Variants in PREP observed in about 807,000 individuals in gnomAD.
PREP encodes prolyl endopeptidase, also known as dJ355L5.1 (prolyl endopeptidase).
A neutral mutation model predicts 87.6 loss-of-function variants in PREP; 29 were observed. That is an observed-to-expected ratio of 0.33 (90% confidence interval 0.25 to 0.45). The LOEUF (loss-of-function observed/expected upper bound fraction) is 0.45. Among genes scored for constraint, PREP ranks in the 20% least tolerant of loss-of-function variants. The pLI, the probability that PREP is intolerant of heterozygous loss-of-function variation, is 1.00. For synonymous variants in PREP, 337 were observed against 328.6 expected, an observed-to-expected ratio of 1.03 and a Z score of -0.28; for missense variants, 695 against 886.5, an observed-to-expected ratio of 0.78 and a Z score of 2.74.
At chr6:105,373,647 T>A in intron 4 of PREP, 69 bp from the exon 5 acceptor site, 2 of 1,394,992 alleles carry the variant, frequency 1.4e-6, no homozygotes, top group Non-Finnish European at 2.0e-6. Flanking sequence ...TTATGCCATC[T>A]AACAAAGCTC....
intron 7 of PREP, among the ~76,000 whole-genome samples, chr6:105,340,698 T>C (rs912868297): frequency 1.1e-4 from 16 of 152,072 alleles, no homozygotes; most frequent in Non-Finnish European, 7.4e-5. Flanking sequence ...TGGAGGAAGA[T>C]CTACCAAGCA....
At chr6:105,329,351 CTATG>C (rs1771259495) in intron 8 of PREP, among the ~76,000 whole-genome samples, 1 of 152,120 alleles carries the variant, frequency 6.6e-6, no homozygotes, top group Non-Finnish European at 1.5e-5. Context: ...CGGGGTTTCA[CTATG>C]TAGGCCAAAC....
chr6:105,390,198 G>A (rs1216315481), intron 2 of PREP, among the ~76,000 whole-genome samples: 1 of 152,190 alleles, frequency 6.6e-6, no homozygotes, highest in African/African-American at 2.4e-5. Context: ...CTCTTAATCA[G>A]CAGGTGTAAC....
At chr6:105,327,806 G>T (rs1292263660) in intron 9 of PREP, among the ~76,000 whole-genome samples, 1 of 152,204 alleles carries the variant, frequency 6.6e-6, no homozygotes, top group Admixed American at 6.5e-5. Flanking sequence ...TTAGGACAGG[G>T]TCTGCCTGGT....
chr6:105,397,801 G>T, intron 2 of PREP, 52 bp downstream of exon 2: 1 of 1,361,874 alleles, frequency 7.3e-7, no homozygotes, highest in Non-Finnish European at 1.1e-6. Context: ...GACATTTAGA[G>T]TTTGGTGCTA....
At position 105,276,822 on chromosome 6, in the gene PREP, C is replaced by T. The variant is rs145931283; in HGVS notation, c.*1322G>A. ...TCTAATTTTTGACCATAACTTGAAA[C>T]GTAGAGAATGAGAGAGTGCTCTTAA... On this transcript the variant is annotated 3_prime_UTR_variant, in exon 15 of 15. Coordinates refer to ENST00000652536, the MANE Select transcript of PREP (RefSeq NM_002726.5). Among the ~76,000 whole-genome samples, 778 of 152,050 alleles carry T rather than the reference C, an allele frequency of 5.1e-3. 6 individuals are homozygous for T. Among genetic ancestry groups the T allele is most frequent in the African/African-American group, 0.018 (729 of 41,464 alleles).
At chr6:105,393,211 CAAG>C (rs1164975314) in intron 2 of PREP, among the ~76,000 whole-genome samples, 1 of 152,130 alleles carries the variant, frequency 6.6e-6, no homozygotes, top group Non-Finnish European at 1.5e-5. Context: ...AAAAACCATT[CAAG>C]AAGTGAGAAA....
chr6:105,356,045 T>C (rs1272010644), intron 6 of PREP, among the ~76,000 whole-genome samples: 2 of 152,194 alleles, frequency 1.3e-5, no homozygotes, highest in Non-Finnish European at 2.9e-5. Context: ...TCTGGATCTG[T>C]TTCTATTGAC....
intron 10 of PREP, among the ~76,000 whole-genome samples, chr6:105,307,477 CT>C (rs1770679359): frequency 1.3e-5 from 2 of 152,210 alleles, no homozygotes; most frequent in Admixed American, 1.3e-4. Flanking sequence ...TCCATTTTCC[CT>C]AGTAAACTCT....
chr6:105,386,945 T>A (rs545177233), intron 2 of PREP, among the ~76,000 whole-genome samples: 1 of 152,248 alleles, frequency 6.6e-6, no homozygotes, highest in South Asian at 2.1e-4. Context: ...GGGTGCGGTG[T>A]TTCATGCCTG....
Position 105,373,488 on chromosome 6 carries a change from T to C in PREP, c.476A>G (p.Asp159Gly), listed in dbSNP as rs188426588. 3 of 1,614,202 alleles carry C rather than the reference T, an allele frequency of 1.9e-6. No individual in the cohort carries two copies. Among genetic ancestry groups the C allele is most frequent in the Non-Finnish European group, 1.7e-6 (2 of 1,180,024 alleles). Residue 159 changes from aspartate (D) to glycine (G), a missense_variant, in exon 5 of 15, where the codon GAT becomes GGT. Physicochemically the swap from Asp to Gly is moderately conservative, Grantham distance 94. Around this residue, in one of 5 missense-constraint regions of PREP, gnomAD observed 517 missense variants for 620.3 expected, o/e 0.83. Coordinates refer to ENST00000652536, the MANE Select transcript of PREP (RefSeq NM_002726.5). ...DWVTIKFMKV[D>G]GAKELPDVLE... ...CACATCTGGAAGCTCTTTGGCACCA[T>C]CAACTTTCATGAACTTGATTGTCAC...
At chr6:105,310,014 G>A in intron 10 of PREP, among the ~76,000 whole-genome samples, 1 of 152,164 alleles carries the variant, frequency 6.6e-6, no homozygotes, top group Non-Finnish European at 1.5e-5. Context: ...GCTATGGAAA[G>A]CCTTGTTGGT....
At chr6:105,388,038 G>T (rs533654628) in intron 2 of PREP, among the ~76,000 whole-genome samples, 2 of 152,168 alleles carry the variant, frequency 1.3e-5, no homozygotes, top group Non-Finnish European at 2.9e-5. Flanking sequence ...AAAAGAGAGA[G>T]AATGAAACCT....
chr6:105,289,941 T>C (rs1460003799), intron 10 of PREP, among the ~76,000 whole-genome samples: 2 of 151,108 alleles, frequency 1.3e-5, no homozygotes, highest in African/African-American at 4.9e-5. Context: ...GAAATAACCA[T>C]GGTGGGGGAA....
intron 7 of PREP, among the ~76,000 whole-genome samples, chr6:105,349,961 G>A (rs1214567466): frequency 4.1e-5 from 6 of 145,214 alleles, no homozygotes; most frequent in Non-Finnish European, 5.9e-5. Context: ...GTCATCAACC[G>A]GGCATACAGA....
chr6:105,376,630 C>T (rs1474112091), intron 3 of PREP, among the ~76,000 whole-genome samples: 1 of 152,136 alleles, frequency 6.6e-6, no homozygotes, highest in Non-Finnish European at 1.5e-5. Flanking sequence ...CCTAGCAAGG[C>T]TGCTAGGGTG....
chr6:105,281,598 A>G, intron 14 of PREP, 148 bp downstream of exon 14: 1 of 941,940 alleles, frequency 1.1e-6, no homozygotes, highest in South Asian at 2.1e-5. Flanking sequence ...ATCAAGAAAG[A>G]CAAGTAGGTA....
chr6:105,293,209 C>G (rs915897796), intron 10 of PREP, among the ~76,000 whole-genome samples: 2 of 152,184 alleles, frequency 1.3e-5, no homozygotes, highest in Non-Finnish European at 2.9e-5. Flanking sequence ...GAGCTTAACC[C>G]TTTCTGGCTT....
intron 11 of PREP, among the ~76,000 whole-genome samples, chr6:105,287,003 C>T (rs1386301368): frequency 7.8e-6 from 1 of 127,726 alleles, no homozygotes; most frequent in African/African-American, 3.0e-5. Context: ...GCCCCACACT[C>T]GAGCATCACT....
Sources: gnomAD v4.1 joint callset for allele counts (sites outside exome capture counted in the v4.1 genomes callset) on GRCh38, gnomAD v4.1.1 for gene constraint, gnomAD v4.1.1 regional missense constraint, MANE v1.5 for transcripts, NCBI Gene and HGNC (gene_info 2026-07-23, HGNC 2026-07-21) for gene names.